ALMS1: variants seen among roughly 807,000 people sequenced by gnomAD.
ALMS1 encodes the protein centrosome-associated protein ALMS1.
In ALMS1, 271 loss-of-function variants were observed where a neutral mutation model predicts 352.2. The observed-to-expected ratio is 0.77, with a 90% CI of 0.70 to 0.85. The LOEUF (loss-of-function observed/expected upper bound fraction) is 0.85. ALMS1 is among the 40% of genes least tolerant of loss of function. The pLI is 0.00. For missense variants in ALMS1, 5,445 were observed against 4,870.7 expected (o/e 1.12, Z -3.51); for synonymous variants, 1,865 against 1,761.2 (o/e 1.06, Z -1.48).
chr2:73,466,180 C>T (rs1437197924), intron 9 of ALMS1, among the ~76,000 whole-genome samples: 2 of 152,240 alleles, frequency 1.3e-5, no homozygotes, highest in East Asian at 1.9e-4. Flanking sequence ...AAGACACATA[C>T]ACATGTACGT....
intron 2 of ALMS1, among the ~76,000 whole-genome samples, chr2:73,412,902 C>G (rs1383635414): frequency 6.6e-6 from 1 of 152,062 alleles, no homozygotes; most frequent in Non-Finnish European, 1.5e-5. Context: ...TCCAAAGTGG[C>G]TGTACCATTT....
In ALMS1 at chr2:73,527,651, T is replaced by A. The variant is rs545630843; in HGVS notation, c.9782-7173T>A. Among the ~76,000 whole-genome samples, 23 of 152,228 alleles carry A rather than the reference T, an allele frequency of 1.5e-4. No homozygotes were observed. In the South Asian group the frequency reaches 4.6e-3, roughly 30 times the overall value. On this transcript the variant is annotated intron_variant, in intron 11 of 22. Transcript: ENST00000613296. ...TCTGATTTTATTTACATGAGTCTTC[T>A]ATTTTTCTTAGTCTGGCTAAAGGTT...
In ALMS1 at chr2:73,465,205, G is replaced by A. The variant is rs556139907; in HGVS notation, c.7674+9910G>A. ...GTCAATCCTAAGCCAAAAGAACAAA[G>A]CTGGAGGCATCACACTACCTGACTT... On this transcript the variant is annotated intron_variant, in intron 9 of 22. Coordinates refer to ENST00000613296, the MANE Select transcript of ALMS1 (RefSeq NM_001378454.1). Among the ~76,000 whole-genome samples the A allele has an allele frequency of 2.0e-5, 3 of 152,052 alleles. No individual in the cohort carries two copies. The South Asian group carries it at 6.2e-4, about 31-fold the overall frequency.
chr2:73,563,722 C>CA (rs1170434973), intron 15 of ALMS1, among the ~76,000 whole-genome samples: 560 of 52,090 alleles, frequency 0.011, 16 homozygotes, highest in African/African-American at 0.057. Flanking sequence ...GACTCCATCT[C>CA]AAAAAAAAAA....
intron 14 of ALMS1, 33 bp downstream of exon 14, chr2:73,557,387 C>G: frequency 1.2e-6 from 2 of 1,613,322 alleles, no homozygotes; most frequent in Non-Finnish European, 1.7e-6. Context: ...GTATTATTTT[C>G]TTCTGGTCTT....
chr2:73,449,854 G>A lies in ALMS1; in HGVS notation c.3327G>A (p.Gln1109=). 1 of 1,614,006 alleles carries A rather than the reference G, an allele frequency of 6.2e-7. No homozygotes were observed. The highest frequency in any genetic ancestry group is 8.5e-7 in the Non-Finnish European group (1 of 1,179,970). Residue 1109 remains glutamine (Q), a synonymous_variant, in exon 8 of 23, where the codon CAG becomes CAA. Transcript: ENST00000613296. ...QREKPGIFYQ[Q]TLPESHLPKE... is the part of the protein sequence containing the mutation. ...AGAAGCCTGGTATTTTCTACCAACA[G>A]ACCTTGCCAGAGAGTCATCTGCCTA...
intron 10 of ALMS1, among the ~76,000 whole-genome samples, chr2:73,511,518 A>G (rs576070703): frequency 2.8e-4 from 42 of 152,004 alleles, no homozygotes; most frequent in Non-Finnish European, 5.0e-4. Flanking sequence ...ACCAGTCTCA[A>G]TGAGATGAAC....
intron 15 of ALMS1, among the ~76,000 whole-genome samples, chr2:73,566,121 C>T (rs939588122): frequency 1.3e-5 from 2 of 151,954 alleles, no homozygotes; most frequent in Non-Finnish European, 2.9e-5. Flanking sequence ...CTGTTGTCAC[C>T]GTTTTTCTGT....
chr2:73,539,819 T>G (rs1674124890), intron 12 of ALMS1, among the ~76,000 whole-genome samples: 2 of 152,102 alleles, frequency 1.3e-5, no homozygotes, highest in African/African-American at 4.8e-5. Flanking sequence ...AAGAGAAGTT[T>G]AGAGAAAAAA....
At chr2:73,428,694 C>T (rs1041316962) in intron 6 of ALMS1, among the ~76,000 whole-genome samples, 2 of 152,260 alleles carry the variant, frequency 1.3e-5, no homozygotes, top group South Asian at 2.1e-4. Context: ...AAGGAAGATG[C>T]TATTATTCCC....
chr2:73,395,060 GTATATA>G (rs755110782), intron 1 of ALMS1, among the ~76,000 whole-genome samples: 1 of 92,708 alleles, frequency 1.1e-5, no homozygotes, highest in Non-Finnish European at 2.2e-5. Context: ...ATATATATGT[GTATATA>G]TATATATATA....
intron 10 of ALMS1, among the ~76,000 whole-genome samples, chr2:73,494,877 A>C (rs566419636): frequency 3.9e-5 from 6 of 152,356 alleles, no homozygotes; most frequent in African/African-American, 1.4e-4. Context: ...GTTTCTGCTT[A>C]AACTTTGACT....
In ALMS1 at chr2:73,452,097, C is replaced by CT. The variant is rs773650701; in HGVS notation, c.5571dup (p.Val1858CysfsTer5). On this transcript the variant is annotated frameshift_variant, in exon 8 of 23. Transcript: ENST00000613296. LOFTEE classifies it high-confidence loss of function. ...AATTCCTACCCACAGAGAGAGCACT[C>CT]TGTCATTTCTTATGAGCAGGAGTTG... The CT allele has an allele frequency of 1.2e-6, 2 of 1,614,026 alleles. No individual in the cohort carries two copies. Among genetic ancestry groups the CT allele is most frequent in the Non-Finnish European group, 8.5e-7 (1 of 1,179,992 alleles).
At chr2:73,505,681 T>C (rs193059167) in intron 10 of ALMS1, among the ~76,000 whole-genome samples, 8 of 152,306 alleles carry the variant, frequency 5.3e-5, no homozygotes, top group East Asian at 3.9e-4. Context: ...CTTCCAGTTA[T>C]GTGGATCTCA....
At chr2:73,518,694 A>G (rs1673610053) in intron 10 of ALMS1, among the ~76,000 whole-genome samples, 2 of 151,974 alleles carry the variant, frequency 1.3e-5, no homozygotes, top group East Asian at 1.9e-4. Context: ...TGTGGTTTTG[A>G]TTTGCATTTA....
chr2:73,542,033 C>T lies in ALMS1; in HGVS notation c.9907+7084C>T, dbSNP rs536404020. ...ACTCATTTTATGAGGCCAGCATCAT[C>T]CTGATACCAAAGCCTGGCAGAGACA... On this transcript the variant is annotated intron_variant, in intron 12 of 22. Coordinates refer to ENST00000613296, the MANE Select transcript of ALMS1 (RefSeq NM_001378454.1). 2.4e-4 allele frequency among the ~76,000 whole-genome samples: 37 copies of T among 152,272 alleles called. 1 individual carries two copies. The East Asian group carries it at 6.6e-3, about 27-fold the overall frequency.
chr2:73,541,685 TATCACCACC>T (rs1674186248), intron 12 of ALMS1, among the ~76,000 whole-genome samples: 1 of 152,014 alleles, frequency 6.6e-6, no homozygotes, highest in Non-Finnish European at 1.5e-5. Flanking sequence ...ATAAAGGGGA[TATCACCACC>T]GATCCCACAG....
At position 73,609,734 on chromosome 2, in the gene ALMS1, A is replaced by C; in HGVS notation, c.*122A>C. On this transcript the variant is annotated 3_prime_UTR_variant, in exon 23 of 23. Transcript: ENST00000613296. ...CTTTGTCCATGTGTATTTTAGAAAT[A>C]GTAACTTCTAAAGAGTCTGGAACAA... is the stretch of plus-strand genomic sequence containing the variant. 1.0e-6 allele frequency: 1 copy of C among 1,000,894 alleles called. No homozygotes were observed. The highest frequency in any genetic ancestry group is 1.6e-6 in the Non-Finnish European group (1 of 640,908). The allele number at this position is 1,000,894 out of a possible 1,614,324, so 62.0% of individuals were successfully genotyped here.
intron 9 of ALMS1, among the ~76,000 whole-genome samples, chr2:73,478,800 C>A (rs1672635581): frequency 6.6e-6 from 1 of 152,048 alleles, no homozygotes. Context: ...TTAAGCCCTG[C>A]ATACGTTAGG....
Sources: allele counts gnomAD v4.1 joint callset (sites outside exome capture counted in the v4.1 genomes callset), GRCh38; gene constraint gnomAD v4.1.1; transcripts MANE v1.5; gene names NCBI Gene and HGNC (gene_info 2026-07-23, HGNC 2026-07-21).